The following ACAD11 variants were observed in gnomAD, a reference collection of about 807,000 sequenced individuals.
ACAD11 encodes the protein acyl-Coenzyme A dehydrogenase family, member 11.
A neutral mutation model predicts 102.2 loss-of-function variants in ACAD11; 83 were observed. The ratio of observed to expected loss-of-function variants is 0.81; its 90% CI spans 0.68 to 0.97. ACAD11 has a LOEUF of 0.97. Ranked by LOEUF, ACAD11 falls within the 50% of genes least tolerant of loss-of-function variation. The probability of loss-of-function intolerance (pLI) is 0.00; values close to 1 mark genes in which losing one functional copy is unlikely to be tolerated. For synonymous variants in ACAD11, 324 were observed against 319.8 expected (o/e 1.01, Z -0.14); for missense variants, 901 against 951.7 (o/e 0.95, Z 0.70).
chr3:132,607,320 CT>C (rs1938890421), intron 11 of ACAD11, among the ~76,000 whole-genome samples: 2 of 152,084 alleles, frequency 1.3e-5, no homozygotes, highest in African/African-American at 4.8e-5. Context: ...TAATAACAAA[CT>C]CCTCTGAGCT....
At chr3:132,646,140 C>T (rs761585930) in intron 1 of ACAD11, among the ~76,000 whole-genome samples, 7 of 152,190 alleles carry the variant, frequency 4.6e-5, no homozygotes, top group African/African-American at 9.7e-5. Context: ...CCGCACCCGG[C>T]TAATTTTTTG....
chr3:132,647,441 G>A (rs1175083451), intron 1 of ACAD11: 1 of 152,156 alleles, frequency 6.6e-6, no homozygotes, highest in African/African-American at 2.4e-5. Flanking sequence ...GAAAATCTTT[G>A]CATGTAAGTG....
chr3:132,638,660 C>A (rs1165157896), intron 5 of ACAD11, among the ~76,000 whole-genome samples: 1 of 152,124 alleles, frequency 6.6e-6, no homozygotes, highest in Non-Finnish European at 1.5e-5. Context: ...GTAGACTCGA[C>A]TAAAATATTA....
chr3:132,627,087 A>C (rs967400669), intron 8 of ACAD11: 2 of 259,150 alleles, frequency 7.7e-6, no homozygotes, highest in African/African-American at 4.5e-5. Context: ...TGATAGATGC[A>C]GGAGGCACAG....
intron 11 of ACAD11, 197 bp downstream of exon 11, chr3:132,618,437 G>A: frequency 1.9e-6 from 1 of 533,208 alleles, no homozygotes; most frequent in Non-Finnish European, 3.1e-6. Flanking sequence ...TAATTGTAAT[G>A]ATATTTAACA....
At chr3:132,564,397 A>G (rs971402953) in intron 17 of ACAD11, among the ~76,000 whole-genome samples, 1 of 152,138 alleles carries the variant, frequency 6.6e-6, no homozygotes, top group Non-Finnish European at 1.5e-5. Context: ...GGGCCTGAAG[A>G]TTTCTTTTTT....
At chr3:132,629,778 G>A (rs1000199190) in intron 7 of ACAD11, among the ~76,000 whole-genome samples, 2 of 151,414 alleles carry the variant, frequency 1.3e-5, no homozygotes, top group African/African-American at 4.9e-5. Context: ...CTAAACCCTA[G>A]CCCCTTGCTA....
Position 132,558,947 on chromosome 3 carries a change from T to G in ACAD11, c.*24A>C. 1.3e-6 allele frequency: 2 copies of G among 1,547,980 alleles called. No homozygotes were observed. The highest frequency in any genetic ancestry group is 1.7e-4 in the Middle Eastern group (1 of 5,934). On this transcript the variant is annotated 3_prime_UTR_variant, in exon 20 of 20. Coordinates refer to ENST00000264990, the MANE Select transcript of ACAD11 (RefSeq NM_032169.5). The stretch of plus-strand genomic sequence containing the variant: ...TTGTATAAAGGAGAGTTTCTGCCAG[T>G]GGGATGTGGCAGTGCCACCCTCCTT...
chr3:132,618,800 G>T, intron 10 of ACAD11, 28 bp from the exon 11 acceptor site: 3 of 1,511,556 alleles, frequency 2.0e-6, no homozygotes, highest in South Asian at 1.4e-5. Flanking sequence ...ATGCCAGAGT[G>T]ACCATAATTT....
intron 5 of ACAD11, among the ~76,000 whole-genome samples, chr3:132,634,568 A>T (rs1276137773): frequency 1.3e-5 from 2 of 152,182 alleles, no homozygotes; most frequent in Non-Finnish European, 2.9e-5. Context: ...ATATACCCAA[A>T]GGAGTATAAA....
At chr3:132,605,070 C>A in intron 12 of ACAD11, 28 bp downstream of exon 12, 1 of 1,539,412 alleles carries the variant, frequency 6.5e-7, no homozygotes, top group Non-Finnish European at 9.0e-7. Flanking sequence ...ACTGACTACA[C>A]AAGGAGAGAA....
At chr3:132,580,135 A>G (rs1937577579) in intron 13 of ACAD11, among the ~76,000 whole-genome samples, 1 of 152,098 alleles carries the variant, frequency 6.6e-6, no homozygotes, top group East Asian at 1.9e-4. Context: ...TTCAATTACA[A>G]GGCTGCACAC....
rs747880557 is a variant in ACAD11, at chr3:132,630,498, A to C, written c.902T>G (p.Ile301Ser). The part of the protein sequence containing the change: ...IYCRCRGINS[I>S]LPNWNFFLAL... ...AAGAAAGAAATTCCAGTTAGGAAGA[A>C]TAGAATTAATTCCCCTGCAGCGGCA... The change falls in exon 7 of 20, where the codon ATT becomes AGT. Residue 301 changes from isoleucine to serine, a missense_variant. By Grantham distance (142) the Ile-to-Ser change is moderately radical. Coordinates refer to ENST00000264990, the MANE Select transcript of ACAD11 (RefSeq NM_032169.5). The C allele has an allele frequency of 1.7e-5, 27 of 1,613,084 alleles. No homozygotes were observed. The Admixed American group carries it at 4.5e-4, about 27-fold the overall frequency.
chr3:132,558,833 A>G lies in ACAD11; in HGVS notation c.*138T>C. ...TAATAAAACCCACTGATCAAAATAG[A>G]TGCTATAATCTTTACCACAAATGAA... is the stretch of plus-strand genomic sequence containing the variant. On this transcript the variant is annotated 3_prime_UTR_variant, in exon 20 of 20. Transcript: ENST00000264990. 1 of 636,918 alleles carries G rather than the reference A, an allele frequency of 1.6e-6. No individual in the cohort carries two copies. The highest frequency in any genetic ancestry group is 2.7e-6 in the Non-Finnish European group (1 of 365,590). The allele number at this position is 636,918 out of a possible 1,614,324, so 39.5% of individuals were successfully genotyped here. A position where few individuals can be genotyped will look rare whatever the true frequency, so the allele number is the denominator to read the frequency against.
chr3:132,558,931 GGA>G lies in ACAD11; in HGVS notation c.*38_*39del, dbSNP rs1936963469. On this transcript the variant is annotated 3_prime_UTR_variant, in exon 20 of 20. Transcript: ENST00000264990. ...TTGGAGCCAATGAAGTTTGTATAAA[GGA>G]GAGTTTCTGCCAGTGGGATGTGGCA... The G allele has an allele frequency of 4.1e-6, 6 of 1,461,916 alleles. No homozygotes were observed. In the African/African-American group the frequency reaches 4.2e-5, roughly 10 times the overall value. The allele number at this position is 1,461,916 out of a possible 1,614,324, so 90.6% of individuals were successfully genotyped here.
At chr3:132,629,169 A>T (rs1240321927) in intron 7 of ACAD11, among the ~76,000 whole-genome samples, 1 of 151,992 alleles carries the variant, frequency 6.6e-6, no homozygotes, top group Non-Finnish European at 1.5e-5. Flanking sequence ...GTTGTACATT[A>T]TTTTTTTGAG....
At chr3:132,596,531 T>C (rs1274921856) in intron 13 of ACAD11, among the ~76,000 whole-genome samples, 1 of 152,150 alleles carries the variant, frequency 6.6e-6, no homozygotes, top group East Asian at 1.9e-4. Context: ...ATAACTGCCA[T>C]GCAAATTTGA....
chr3:132,641,614 AGAG>A (rs1293068181), intron 4 of ACAD11, among the ~76,000 whole-genome samples: 156 of 137,344 alleles, frequency 1.1e-3, no homozygotes, highest in South Asian at 4.5e-3. Flanking sequence ...AGGAGGAAGA[AGAG>A]GAGGAAGAAG....
At chr3:132,642,373 T>C (rs550169101) in intron 3 of ACAD11, among the ~76,000 whole-genome samples, 6 of 152,344 alleles carry the variant, frequency 3.9e-5, no homozygotes, top group African/African-American at 1.2e-4. Context: ...GTGGAGTCTG[T>C]TTTCCCTGCT....
Sources: allele counts gnomAD v4.1 joint callset (sites outside exome capture counted in the v4.1 genomes callset), GRCh38; gene constraint gnomAD v4.1.1; transcripts MANE v1.5; gene names NCBI Gene and HGNC (gene_info 2026-07-23, HGNC 2026-07-21).